The following CNTN4 variants were observed in gnomAD, a reference collection of about 807,000 sequenced individuals.
CNTN4 encodes the protein contactin-4.
CNTN4 carries 77 observed loss-of-function variants against 122.5 expected under a neutral mutation model. The observed-to-expected ratio is 0.63, with a 90% CI of 0.52 to 0.76. The LOEUF is 0.76. CNTN4 is among the 30% of genes least tolerant of loss of function. The pLI, the probability that CNTN4 is intolerant of heterozygous loss-of-function variation, is 0.00. For synonymous variants in CNTN4, 512 were observed against 447.0 expected (o/e 1.15, Z -1.83); for missense variants, 1,256 against 1,259.1 (o/e 1.00, Z 0.04).
chr3:2,176,179 T>A (rs958393820), intron 2 of CNTN4, among the ~76,000 whole-genome samples: 2 of 152,146 alleles, frequency 1.3e-5, no homozygotes, highest in African/African-American at 4.8e-5. Flanking sequence ...ACAGGCCTTC[T>A]AGGATGAGCA....
At chr3:2,159,326 T>C (rs1290363709) in intron 2 of CNTN4, among the ~76,000 whole-genome samples, 1 of 152,176 alleles carries the variant, frequency 6.6e-6, no homozygotes, top group Admixed American at 6.5e-5. Context: ...CTCTTCCTTA[T>C]GAACTTTCTT....
chr3:2,247,311 A>G (rs1420266694), intron 2 of CNTN4, among the ~76,000 whole-genome samples: 2 of 152,026 alleles, frequency 1.3e-5, no homozygotes, highest in Non-Finnish European at 2.9e-5. Context: ...ATAAAATCAG[A>G]TGAAAGCCAA....
At chr3:2,714,955 C>G (rs2087397564) in intron 4 of CNTN4, among the ~76,000 whole-genome samples, 1 of 152,170 alleles carries the variant, frequency 6.6e-6, no homozygotes, top group African/African-American at 2.4e-5. Flanking sequence ...GAAGGCTGTA[C>G]TATCTTGCTT....
rs139688556 is a variant in CNTN4, at chr3:2,472,530, C to T, written c.-88-98886C>T. On this transcript the variant is annotated intron_variant, in intron 3 of 24. Coordinates refer to ENST00000418658, the MANE Select transcript of CNTN4 (RefSeq NM_175607.3). ...CTGGGATTACTGGCATGAGTCACTG[C>T]ACCTGGCCTCAAGGACAAATTTTAC... Among the ~76,000 whole-genome samples the T allele has an allele frequency of 3.3e-3, 508 of 152,226 alleles. 2 individuals carry two copies. Among genetic ancestry groups the T allele is most frequent in the African/African-American group, 0.012 (487 of 41,544 alleles).
intron 4 of CNTN4, among the ~76,000 whole-genome samples, chr3:2,708,960 G>A (rs74793104): frequency 2.6e-5 from 4 of 152,140 alleles, no homozygotes; most frequent in Admixed American, 2.6e-4. Context: ...CTCCTGTGTC[G>A]ATATCGCATT....
intron 3 of CNTN4, among the ~76,000 whole-genome samples, chr3:2,453,091 T>C (rs1206236380): frequency 2.0e-5 from 3 of 152,126 alleles, no homozygotes; most frequent in Non-Finnish European, 2.9e-5. Context: ...ATTTGATATG[T>C]TTTGAAAAGA....
chr3:2,659,733 A>G (rs1269673439), intron 4 of CNTN4, among the ~76,000 whole-genome samples: 1 of 152,220 alleles, frequency 6.6e-6, no homozygotes, highest in Non-Finnish European at 1.5e-5. Context: ...GTTATGCTTT[A>G]CAATTTGTCA....
rs541682413 is a variant in CNTN4, at chr3:2,844,368, A to G, written c.455-22384A>G. ...ATTTTATGTTAAGGTCACCATAGAT[A>G]TATTGTGCAGTAGAACTCAGAAGTA... is the stretch of plus-strand genomic sequence containing the variant. On this transcript the variant is annotated intron_variant, in intron 7 of 24. Coordinates refer to ENST00000418658, the MANE Select transcript of CNTN4 (RefSeq NM_175607.3). Among the ~76,000 whole-genome samples the G allele has an allele frequency of 5.9e-5, 9 of 152,312 alleles. 1 individual carries two copies. The highest frequency in any genetic ancestry group is 1.9e-4 in the African/African-American group (8 of 41,562).
chr3:2,102,418 A>G (rs1393425553), intron 2 of CNTN4, among the ~76,000 whole-genome samples: 1 of 152,238 alleles, frequency 6.6e-6, no homozygotes, highest in African/African-American at 2.4e-5. Flanking sequence ...TGAGAGCATG[A>G]GTCAACATGG....
intron 2 of CNTN4, among the ~76,000 whole-genome samples, chr3:2,126,880 T>C (rs2034200778): frequency 6.6e-6 from 1 of 152,178 alleles, no homozygotes; most frequent in African/African-American, 2.4e-5. Flanking sequence ...TGGGAGATTC[T>C]GATGTGAATT....
intron 7 of CNTN4, among the ~76,000 whole-genome samples, chr3:2,860,947 G>C (rs1397127139): frequency 6.6e-6 from 1 of 152,006 alleles, no homozygotes; most frequent in South Asian, 2.1e-4. Flanking sequence ...ACTTTCTCAG[G>C]GAAATTTTTG....
chr3:2,739,348 C>A (rs1402522398), intron 5 of CNTN4, among the ~76,000 whole-genome samples: 1 of 151,438 alleles, frequency 6.6e-6, no homozygotes, highest in African/African-American at 2.4e-5. Flanking sequence ...GCTAAAGGTG[C>A]ACGTACTCTA....
intron 3 of CNTN4, among the ~76,000 whole-genome samples, chr3:2,529,781 G>A (rs1372777823): frequency 6.6e-6 from 1 of 152,062 alleles, no homozygotes; most frequent in East Asian, 1.9e-4. Context: ...TGATGAGGAG[G>A]AGGAGGAGGA....
At chr3:2,285,432 A>T (rs532181533) in intron 2 of CNTN4, among the ~76,000 whole-genome samples, 2 of 152,214 alleles carry the variant, frequency 1.3e-5, no homozygotes, top group South Asian at 2.1e-4. Flanking sequence ...AAAAGGAAAC[A>T]CTTAAGATTG....
At chr3:2,628,302 G>A (rs2082287734) in intron 4 of CNTN4, among the ~76,000 whole-genome samples, 1 of 152,210 alleles carries the variant, frequency 6.6e-6, no homozygotes, top group Non-Finnish European at 1.5e-5. Flanking sequence ...CAGCCAGGTA[G>A]GAGGTGCCGC....
chr3:2,543,415 T>C (rs2078109962), intron 3 of CNTN4, among the ~76,000 whole-genome samples: 1 of 152,064 alleles, frequency 6.6e-6, no homozygotes, highest in Non-Finnish European at 1.5e-5. Flanking sequence ...GTCAAGTGTT[T>C]CCGTCTTAGT....
chr3:2,745,439 T>C, intron 5 of CNTN4, 83 bp from the exon 6 acceptor site: 1 of 1,135,546 alleles, frequency 8.8e-7, no homozygotes, highest in Non-Finnish European at 1.3e-6. Flanking sequence ...TTCATGCTAT[T>C]TATAGTTTTT....
At chr3:2,842,142 G>C (rs1289913361) in intron 7 of CNTN4, among the ~76,000 whole-genome samples, 1 of 152,150 alleles carries the variant, frequency 6.6e-6, no homozygotes, top group Non-Finnish European at 1.5e-5. Flanking sequence ...TCTTCTTCTA[G>C]GAATTGAGCT....
chr3:2,707,322 A>T (rs902641688), intron 4 of CNTN4, among the ~76,000 whole-genome samples: 2 of 151,860 alleles, frequency 1.3e-5, no homozygotes, highest in Admixed American at 6.6e-5. Context: ...AAAAACCCAA[A>T]AAAAACAGAA....
Sources: gnomAD v4.1 joint callset for allele counts (sites outside exome capture counted in the v4.1 genomes callset) on GRCh38, gnomAD v4.1.1 for gene constraint, MANE v1.5 for transcripts, NCBI Gene and HGNC (gene_info 2026-07-23, HGNC 2026-07-21) for gene names.